Variants in RSPH14 observed in about 807,000 individuals in gnomAD.
The protein encoded by RSPH14 is rhabdoid tumor deletion region gene 1.
Under a neutral mutation model 26.7 loss-of-function variants are expected in RSPH14, and 20 were observed. That is an observed-to-expected ratio of 0.75 (90% confidence interval 0.53 to 1.09). The LOEUF (loss-of-function observed/expected upper bound fraction) is 1.09, where lower values mean the gene tolerates loss of function less well. Among genes scored for constraint, RSPH14 ranks in the 50% least tolerant of loss-of-function variants. The probability of loss-of-function intolerance (pLI) is 0.00; values close to 1 mark genes in which losing one functional copy is unlikely to be tolerated. For synonymous variants in RSPH14, 177 were observed against 189.3 expected, an observed-to-expected ratio of 0.93 and a Z score of 0.53; for missense variants, 449 against 457.2, an observed-to-expected ratio of 0.98 and a Z score of 0.16.
chr22:23,139,540 G>C (rs1377132063), intron 2 of RSPH14, among the ~76,000 whole-genome samples: 1 of 152,244 alleles, frequency 6.6e-6, no homozygotes, highest in African/African-American at 2.4e-5. Flanking sequence ...AGAATCACTT[G>C]AACCCAAGAG....
intron 5 of RSPH14, among the ~76,000 whole-genome samples, chr22:23,062,391 G>A (rs1181353810): frequency 6.6e-6 from 1 of 152,180 alleles, no homozygotes; most frequent in Non-Finnish European, 1.5e-5. Flanking sequence ...TAACTTTTAG[G>A]CCACTTACTC....
intron 4 of RSPH14, among the ~76,000 whole-genome samples, chr22:23,133,530 C>T (rs750771164): frequency 2.0e-5 from 3 of 152,182 alleles, no homozygotes; most frequent in Admixed American, 1.3e-4. Context: ...AGTTACACCA[C>T]ATGTTCACTG....
chr22:23,176,675 G>C, the RSPH14 span, among the ~76,000 whole-genome samples: 5 of 152,220 alleles, frequency 3.3e-5, no homozygotes, highest in Middle Eastern at 3.4e-3. Flanking sequence ...GAATGCTCCT[G>C]AATTCTAACC....
chr22:23,178,052 C>T, the RSPH14 span, among the ~76,000 whole-genome samples: 1 of 152,174 alleles, frequency 6.6e-6, no homozygotes, highest in Non-Finnish European at 1.5e-5. Context: ...ACTCCTGCCT[C>T]GGCCTCCCAA....
intron 4 of RSPH14, among the ~76,000 whole-genome samples, chr22:23,100,066 A>G (rs982696769): frequency 4.6e-5 from 7 of 152,274 alleles, no homozygotes; most frequent in African/African-American, 1.2e-4. Flanking sequence ...AGCTGTCAGC[A>G]TTCCCAGCCC....
chr22:23,126,221 G>A (rs2070178856), intron 4 of RSPH14, among the ~76,000 whole-genome samples: 1 of 152,204 alleles, frequency 6.6e-6, no homozygotes, highest in South Asian at 2.1e-4. Flanking sequence ...TTCCTAATGT[G>A]TGCAAAGATC....
upstream of RSPH14, chr22:23,142,117 A>C (rs1601871007): frequency 1.2e-6 from 1 of 809,884 alleles, no homozygotes; most frequent in Non-Finnish European, 1.5e-6. Context: ...GGCCGGCTGC[A>C]AAGCGGGAAC....
chr22:23,122,843 C>A (rs2070070523), intron 4 of RSPH14: 1 of 572,428 alleles, frequency 1.7e-6, no homozygotes, highest in African/African-American at 1.9e-5. Context: ...AGAGGAGAGA[C>A]CCAAAAGGGG....
At position 23,095,056 on chromosome 22, in the gene RSPH14, C is replaced by T. The variant is rs575786112; in HGVS notation, c.422-30923G>A. Among the ~76,000 whole-genome samples the T allele has an allele frequency of 5.9e-5, 9 of 152,350 alleles. No individual in the cohort carries two copies. In the South Asian group the frequency reaches 1.9e-3, roughly 32 times the overall value. ...TTCAGGTGGACTGTCCAGGCAACAGCAGACATATGTGTTACACCATGGTGT... is the reference window on the plus strand; with the variant it reads ...TTCAGGTGGACTGTCCAGGCAACAGTAGACATATGTGTTACACCATGGTGT... On this transcript the variant is annotated intron_variant, in intron 4 of 6. Coordinates refer to ENST00000216036, the MANE Select transcript of RSPH14 (RefSeq NM_014433.3).
chr22:23,132,871 GT>G (rs964936760), intron 4 of RSPH14: 1 of 151,782 alleles, frequency 6.6e-6, no homozygotes, highest in African/African-American at 2.4e-5. Context: ...CAATCTGGTG[GT>G]CCCCCCATCT....
chr22:23,149,913 A>C (rs1373669947), upstream of RSPH14: 15 of 669,006 alleles, frequency 2.2e-5, no homozygotes, highest in Non-Finnish European at 3.5e-5. Flanking sequence ...GAAGATACAC[A>C]TGACAAATGG....
At chr22:23,143,550 C>T (rs1202659802), upstream of RSPH14, among the ~76,000 whole-genome samples, 1 of 152,104 alleles carries the variant, frequency 6.6e-6, no homozygotes, top group Non-Finnish European at 1.5e-5. Context: ...CATATTATCT[C>T]CTAGTGAATC....
chr22:23,099,902 C>T (rs2069245028), intron 4 of RSPH14, among the ~76,000 whole-genome samples: 1 of 152,252 alleles, frequency 6.6e-6, no homozygotes, highest in Non-Finnish European at 1.5e-5. Flanking sequence ...GCACTTGTTG[C>T]CCAACCTCTG....
the RSPH14 span, chr22:23,161,604 A>C: frequency 1.3e-6 from 2 of 1,501,642 alleles, no homozygotes; most frequent in Non-Finnish European, 1.8e-6. Flanking sequence ...CTGCACACAC[A>C]CGGACAGGAA....
intron 4 of RSPH14, among the ~76,000 whole-genome samples, chr22:23,117,308 G>A (rs1364667586): frequency 1.3e-5 from 2 of 152,182 alleles, no homozygotes; most frequent in Non-Finnish European, 2.9e-5. Flanking sequence ...GGCTGCAGGC[G>A]GGATGGAAAC....
At chr22:23,073,732 G>A (rs1212790013) in intron 4 of RSPH14, among the ~76,000 whole-genome samples, 2 of 152,172 alleles carry the variant, frequency 1.3e-5, no homozygotes. Flanking sequence ...AACCTCACGC[G>A]ATTCATCCAT....
upstream of RSPH14, among the ~76,000 whole-genome samples, chr22:23,143,862 C>T (rs959173104): frequency 8.6e-5 from 13 of 152,030 alleles, no homozygotes; most frequent in African/African-American, 2.2e-4. Flanking sequence ...AAGCCAAGGC[C>T]GGCGGATCAC....
chr22:23,096,559 G>C, intron 4 of RSPH14: 2 of 856,294 alleles, frequency 2.3e-6, no homozygotes, highest in Non-Finnish European at 3.7e-6. Context: ...GATAACTGAG[G>C]CAGCTCCAGC....
At chr22:23,110,487 C>T (rs2069613759) in intron 4 of RSPH14, among the ~76,000 whole-genome samples, 2 of 152,218 alleles carry the variant, frequency 1.3e-5, no homozygotes. Flanking sequence ...TGCCCACTGC[C>T]CTGTCTCTCA....
Sources: gnomAD v4.1 joint callset for allele counts (sites outside exome capture counted in the v4.1 genomes callset) on GRCh38, gnomAD v4.1.1 for gene constraint, MANE v1.5 for transcripts, NCBI Gene and HGNC (gene_info 2026-07-23, HGNC 2026-07-21) for gene names.